SHISA9: variants seen among roughly 807,000 people sequenced by gnomAD.
SHISA9 encodes the protein protein shisa-9.
SHISA9 carries 13 observed loss-of-function variants against 38.0 expected under a neutral mutation model. The observed-to-expected ratio is 0.34, with a 90% confidence interval of 0.22 to 0.54. The LOEUF (loss-of-function observed/expected upper bound fraction) is 0.54. SHISA9 is among the 20% of genes least tolerant of loss of function. The probability of loss-of-function intolerance (pLI) is 0.91; values close to 1 mark genes in which losing one functional copy is unlikely to be tolerated. For synonymous variants in SHISA9, 275 were observed against 242.0 expected, an observed-to-expected ratio of 1.14 and a Z score of -1.27; for missense variants, 538 against 575.8, an observed-to-expected ratio of 0.93 and a Z score of 0.67.
intron 1 of SHISA9, chr16:12,909,617 C>T: frequency 2.0e-6 from 2 of 985,052 alleles, no homozygotes; most frequent in East Asian, 1.1e-4. Flanking sequence ...TGTGGCTGGT[C>T]CCTCCTCATC....
chr16:13,395,783 G>C, the SHISA9 span, among the ~76,000 whole-genome samples: 2 of 152,088 alleles, frequency 1.3e-5, no homozygotes, highest in South Asian at 2.1e-4. Flanking sequence ...TTGACTTTTA[G>C]GTGCTTGATA....
the SHISA9 span, among the ~76,000 whole-genome samples, chr16:13,493,906 A>G: frequency 6.6e-6 from 1 of 151,968 alleles, no homozygotes; most frequent in Admixed American, 6.6e-5. Context: ...AGAAGAGCTC[A>G]TAGATCCCAG....
Position 13,031,835 on chromosome 16 carries a change from T to G in SHISA9, c.691+115020T>G, listed in dbSNP as rs550396033. On this transcript the variant is annotated intron_variant, in intron 2 of 4. Transcript: ENST00000558583. ...AATGTGAATTTCACATTTGTTCATG[T>G]GAAATTTCCTCAGTGAGAAACAATA... Among the ~76,000 whole-genome samples the G allele has an allele frequency of 2.6e-5, 4 of 152,322 alleles. No homozygotes were observed. The East Asian group carries it at 7.7e-4, about 29-fold the overall frequency.
chr16:13,155,291 A>G (rs1278983119), intron 2 of SHISA9, among the ~76,000 whole-genome samples: 1 of 152,234 alleles, frequency 6.6e-6, no homozygotes, highest in Non-Finnish European at 1.5e-5. Flanking sequence ...TGGATATCAC[A>G]GAATGGAACG....
At chr16:13,555,642 A>G in the SHISA9 span, among the ~76,000 whole-genome samples, 1 of 151,646 alleles carries the variant, frequency 6.6e-6, no homozygotes, top group Non-Finnish European at 1.5e-5. Flanking sequence ...CACTCCACCC[A>G]AAGTGCAAGC....
the SHISA9 span, among the ~76,000 whole-genome samples, chr16:13,424,022 T>C: frequency 6.6e-6 from 1 of 152,218 alleles, no homozygotes; most frequent in South Asian, 2.1e-4. Flanking sequence ...AATATCTCTT[T>C]TGATGAATTT....
intron 2 of SHISA9, among the ~76,000 whole-genome samples, chr16:12,956,867 A>C (rs1022761899): frequency 1.3e-5 from 2 of 152,224 alleles, no homozygotes; most frequent in African/African-American, 4.8e-5. Context: ...AGTTAAAAAA[A>C]TGTGTATTTG....
At chr16:13,366,225 T>C in the SHISA9 span, among the ~76,000 whole-genome samples, 4 of 152,242 alleles carry the variant, frequency 2.6e-5, no homozygotes, top group Non-Finnish European at 4.4e-5. Flanking sequence ...ATCTTGCAGA[T>C]TACTCAACGG....
chr16:12,994,957 A>G (rs2072439539), intron 2 of SHISA9, among the ~76,000 whole-genome samples: 1 of 152,212 alleles, frequency 6.6e-6, no homozygotes, highest in African/African-American at 2.4e-5. Context: ...TGGGCTCACA[A>G]GAGAGTTCTG....
the SHISA9 span, among the ~76,000 whole-genome samples, chr16:13,313,715 C>G: frequency 1.3e-5 from 2 of 152,102 alleles, no homozygotes. Context: ...ATACACAGAA[C>G]TTTAGCAAGT....
chr16:13,006,627 T>C (rs2072601411), intron 2 of SHISA9, among the ~76,000 whole-genome samples: 1 of 152,204 alleles, frequency 6.6e-6, no homozygotes, highest in African/African-American at 2.4e-5. Context: ...CAAATATTTA[T>C]TGGATGGACA....
chr16:13,153,152 A>G (rs1421462117), intron 2 of SHISA9, among the ~76,000 whole-genome samples: 2 of 151,972 alleles, frequency 1.3e-5, no homozygotes, highest in Non-Finnish European at 2.9e-5. Context: ...GCCCAGTGAA[A>G]CCCATTTTGG....
the SHISA9 span, among the ~76,000 whole-genome samples, chr16:13,250,032 C>A: frequency 6.6e-6 from 1 of 152,166 alleles, no homozygotes; most frequent in Non-Finnish European, 1.5e-5. Flanking sequence ...CCACACCTGG[C>A]CACATCTCTG....
At chr16:13,094,631 T>G (rs989902401) in intron 2 of SHISA9, among the ~76,000 whole-genome samples, 1 of 152,196 alleles carries the variant, frequency 6.6e-6, no homozygotes, top group Non-Finnish European at 1.5e-5. Context: ...TTAAATGAGA[T>G]TTATACTTTC....
chr16:13,429,029 A>C, the SHISA9 span, among the ~76,000 whole-genome samples: 27 of 152,086 alleles, frequency 1.8e-4, no homozygotes, highest in African/African-American at 6.0e-4. Flanking sequence ...AGCCTCCCAA[A>C]GTGCTGGGAT....
chr16:13,485,073 G>A, the SHISA9 span, among the ~76,000 whole-genome samples: 20 of 151,502 alleles, frequency 1.3e-4, no homozygotes, highest in African/African-American at 4.9e-4. Flanking sequence ...TATGCAGAAT[G>A]TGCATGTTTG....
intron 2 of SHISA9, among the ~76,000 whole-genome samples, chr16:12,969,737 A>T (rs2072030199): frequency 6.6e-6 from 1 of 151,990 alleles, no homozygotes; most frequent in Non-Finnish European, 1.5e-5. Flanking sequence ...ACAGAGCCAG[A>T]CTCTATCCCC....
At chr16:13,211,888 T>G (rs1236069223) in intron 3 of SHISA9, among the ~76,000 whole-genome samples, 2 of 151,468 alleles carry the variant, frequency 1.3e-5, no homozygotes, top group Non-Finnish European at 2.9e-5. Context: ...AGAATGGGGG[T>G]CGCACCACTA....
At chr16:13,135,559 G>T (rs569616332) in intron 2 of SHISA9, among the ~76,000 whole-genome samples, 20 of 152,294 alleles carry the variant, frequency 1.3e-4, no homozygotes, top group Middle Eastern at 3.4e-3. Flanking sequence ...ATGCTAGCCT[G>T]GTTGCAGTTG....
Sources: allele counts gnomAD v4.1 joint callset (sites outside exome capture counted in the v4.1 genomes callset), GRCh38; gene constraint gnomAD v4.1.1; transcripts MANE v1.5; gene names NCBI Gene and HGNC (gene_info 2026-07-23, HGNC 2026-07-21).